The following ADAM12 variants were observed in gnomAD, a reference collection of about 807,000 sequenced individuals.
ADAM12 encodes the protein ADAM metallopeptidase domain 12.
Under a neutral mutation model 106.4 loss-of-function variants are expected in ADAM12, and 70 were observed. The ratio of observed to expected loss-of-function variants is 0.66; its 90% CI spans 0.54 to 0.80. The LOEUF (loss-of-function observed/expected upper bound fraction) is 0.80, where lower values mean the gene tolerates loss of function less well. ADAM12 is among the 30% of genes least tolerant of loss of function. The pLI is 0.00. For synonymous variants in ADAM12, 420 were observed against 433.5 expected, an observed-to-expected ratio of 0.97 and a Z score of 0.39; for missense variants, 1,010 against 1,171.9, an observed-to-expected ratio of 0.86 and a Z score of 2.02.
At position 126,338,289 on chromosome 10, in the gene ADAM12, G is replaced by C. The variant is rs1490533037; in HGVS notation, c.89-7780C>G. 5.3e-5 allele frequency among the ~76,000 whole-genome samples: 6 copies of C among 114,164 alleles called. No homozygotes were observed. In the East Asian group the frequency reaches 1.5e-3, roughly 29 times the overall value. The allele number at this position is 114,164 out of a possible 152,430, so 74.9% of individuals were successfully genotyped here. A position where few individuals can be genotyped will look rare whatever the true frequency, so the allele number is the denominator to read the frequency against. ...TTTTTTTGAGACGGAGTCTCGCTCT[G>C]TCGCCCAGGCTGGAGTGCAGTGGCG... On this transcript the variant is annotated intron_variant, in intron 1 of 22. Transcript: ENST00000448723.
chr10:126,270,745 G>A (rs777512770), intron 3 of ADAM12, among the ~76,000 whole-genome samples: 17 of 152,134 alleles, frequency 1.1e-4, no homozygotes, highest in Non-Finnish European at 1.8e-4. Flanking sequence ...CTTCAAGGAG[G>A]GCAGGAGTCC....
chr10:126,121,881 C>T (rs1956122886), intron 5 of ADAM12, among the ~76,000 whole-genome samples: 1 of 152,080 alleles, frequency 6.6e-6, no homozygotes, highest in Non-Finnish European at 1.5e-5. Context: ...ATTTTGAACA[C>T]AACTGGTAAG....
intron 3 of ADAM12, among the ~76,000 whole-genome samples, chr10:126,197,194 G>A (rs1024487364): frequency 1.3e-5 from 2 of 152,170 alleles, no homozygotes; most frequent in South Asian, 2.1e-4. Context: ...TAGAGATGAC[G>A]AAGCAAAGAT....
intron 1 of ADAM12, among the ~76,000 whole-genome samples, chr10:126,387,583 C>A (rs1470470963): frequency 6.6e-6 from 1 of 152,134 alleles, no homozygotes; most frequent in East Asian, 1.9e-4. Flanking sequence ...GGCTGCCTCA[C>A]CTGCGGGGCC....
chr10:126,174,342 C>T (rs1440168998), intron 3 of ADAM12, among the ~76,000 whole-genome samples: 2 of 152,072 alleles, frequency 1.3e-5, no homozygotes, highest in East Asian at 3.9e-4. Context: ...CGCATCATGG[C>T]CCGGCTATCC....
intron 8 of ADAM12, among the ~76,000 whole-genome samples, chr10:126,106,014 G>T (rs1360807623): frequency 6.6e-6 from 1 of 152,192 alleles, no homozygotes; most frequent in African/African-American, 2.4e-5. Context: ...GGCAAACCCA[G>T]ATCTCTGACT....
intron 4 of ADAM12, among the ~76,000 whole-genome samples, chr10:126,154,739 C>T (rs1448387034): frequency 1.3e-5 from 2 of 152,162 alleles, no homozygotes; most frequent in Non-Finnish European, 2.9e-5. Context: ...ATACCAGAAA[C>T]ACTGCCTGAG....
At chr10:126,171,481 C>T (rs1674945) in intron 3 of ADAM12, among the ~76,000 whole-genome samples, 12,053 of 152,218 alleles carry the variant, frequency 0.079, 1,531 homozygotes, top group African/African-American at 0.26. Flanking sequence ...GGCATTCTAA[C>T]GTATTACTTA....
intron 3 of ADAM12, among the ~76,000 whole-genome samples, chr10:126,249,637 G>T (rs1408949320): frequency 1.3e-5 from 2 of 152,204 alleles, no homozygotes; most frequent in African/African-American, 4.8e-5. Context: ...CCGGGAGGCG[G>T]AGCTTGCAGT....
chr10:126,160,378 C>A (rs1419535949), intron 3 of ADAM12, among the ~76,000 whole-genome samples: 1 of 152,142 alleles, frequency 6.6e-6, no homozygotes, highest in East Asian at 1.9e-4. Flanking sequence ...CCAACTCCCC[C>A]CTCTCCAAAA....
At chr10:126,038,184 T>A in intron 20 of ADAM12, 57 bp downstream of exon 20, 1 of 1,448,328 alleles carries the variant, frequency 6.9e-7, no homozygotes, top group Non-Finnish European at 9.5e-7. Context: ...CAGTCTCGTA[T>A]TGAAAACCTC....
intron 21 of ADAM12, among the ~76,000 whole-genome samples, chr10:126,021,182 A>G (rs1318269053): frequency 2.0e-5 from 3 of 152,088 alleles, no homozygotes; most frequent in Non-Finnish European, 4.4e-5. Flanking sequence ...GGAAACACTC[A>G]TGAATGCACA....
intron 3 of ADAM12, among the ~76,000 whole-genome samples, chr10:126,163,895 C>T (rs1195292726): frequency 6.6e-6 from 1 of 152,184 alleles, no homozygotes; most frequent in East Asian, 1.9e-4. Context: ...CATAGAAACG[C>T]AACCCAATCT....
At chr10:126,378,267 A>G (rs1002775275) in intron 1 of ADAM12, among the ~76,000 whole-genome samples, 1 of 152,130 alleles carries the variant, frequency 6.6e-6, no homozygotes, top group African/African-American at 2.4e-5. Flanking sequence ...AAATTTGTGT[A>G]CTCTACAGCT....
chr10:126,051,677 C>G (rs1954507442), intron 14 of ADAM12, among the ~76,000 whole-genome samples: 1 of 152,142 alleles, frequency 6.6e-6, no homozygotes, highest in Non-Finnish European at 1.5e-5. Context: ...ATCCAGCCAG[C>G]CAGCCAGCCA....
At chr10:126,119,719 C>T (rs1956050560) in intron 5 of ADAM12, among the ~76,000 whole-genome samples, 1 of 152,178 alleles carries the variant, frequency 6.6e-6, no homozygotes, top group African/African-American at 2.4e-5. Flanking sequence ...TAGAAGGTGA[C>T]ATTTAGCCAT....
In ADAM12 at chr10:126,098,510, A is replaced by G; in HGVS notation, c.912-10T>C. 6.2e-7 allele frequency: 1 copy of G among 1,608,710 alleles called. No homozygotes were observed. ...TTGGAAATAAACCCCACTAGGAAAT[A>G]AAAGAGAGGACTTTCTTTAATCAAA... is the stretch of plus-strand genomic sequence containing the variant. On this transcript the variant is annotated splice_polypyrimidine_tract_variant and intron_variant, in intron 9 of 22. Transcript: ENST00000448723.
At chr10:126,268,394 T>C (rs558027206) in intron 3 of ADAM12, among the ~76,000 whole-genome samples, 2 of 152,338 alleles carry the variant, frequency 1.3e-5, no homozygotes, top group Non-Finnish European at 2.9e-5. Context: ...ACTTGGGTTG[T>C]TCCCACCTTT....
chr10:126,366,246 G>A (rs895093593), intron 1 of ADAM12, among the ~76,000 whole-genome samples: 1 of 152,108 alleles, frequency 6.6e-6, no homozygotes, highest in Admixed American at 6.6e-5. Flanking sequence ...CACCTTTTGT[G>A]TAAAAATGAC....
Sources: gnomAD v4.1 joint callset for allele counts (sites outside exome capture counted in the v4.1 genomes callset) on GRCh38, gnomAD v4.1.1 for gene constraint, MANE v1.5 for transcripts, NCBI Gene and HGNC (gene_info 2026-07-23, HGNC 2026-07-21) for gene names.